Variants in SLC7A6 observed in about 807,000 individuals in gnomAD.
SLC7A6 encodes the protein Y+L amino acid transporter 2.
SLC7A6 carries 29 observed loss-of-function variants against 46.6 expected under a neutral mutation model. That is an observed-to-expected ratio of 0.62 (90% CI 0.46 to 0.85). The LOEUF (loss-of-function observed/expected upper bound fraction) is 0.85. Ranked by LOEUF, SLC7A6 falls within the 40% of genes least tolerant of loss-of-function variation. The pLI, the probability that SLC7A6 is intolerant of heterozygous loss-of-function variation, is 0.00. For missense variants in SLC7A6, 527 were observed against 647.6 expected (o/e 0.81, Z 2.02); for synonymous variants, 276 against 257.3 (o/e 1.07, Z -0.70).
rs777512092 is a variant in SLC7A6, at chr16:68,290,551, G to A, written c.794+11G>A. 17 of 1,613,984 alleles carry A rather than the reference G, an allele frequency of 1.1e-5. No homozygotes were observed. The highest frequency in any genetic ancestry group is 1.6e-4 in the Middle Eastern group (1 of 6,062). ...CAAAAACCCAGAAAGGTAAAGATGG[G>A]ATCACACTCTCACTCCCCAGCTTGG... On this transcript the variant is annotated intron_variant, in intron 5 of 10. Coordinates refer to ENST00000219343, the MANE Select transcript of SLC7A6 (RefSeq NM_003983.6).
At chr16:68,291,696 A>G in intron 7 of SLC7A6, 35 bp downstream of exon 7, 1 of 1,569,998 alleles carries the variant, frequency 6.4e-7, no homozygotes. Flanking sequence ...AATAGACCAC[A>G]ATATTTCATT....
intron 4 of SLC7A6, among the ~76,000 whole-genome samples, chr16:68,289,874 G>T (rs1466813563): frequency 6.6e-6 from 1 of 152,202 alleles, no homozygotes; most frequent in South Asian, 2.1e-4. Context: ...CCATGAGGCT[G>T]ATAAACCCAT....
At chr16:68,283,384 C>A (rs1297845764) in intron 3 of SLC7A6, among the ~76,000 whole-genome samples, 1 of 152,166 alleles carries the variant, frequency 6.6e-6, no homozygotes, top group Admixed American at 6.5e-5. Context: ...GCTGTCATGT[C>A]TGCACTGTAA....
intron 1 of SLC7A6, chr16:68,265,823 C>T (rs974965350): frequency 3.3e-5 from 5 of 152,178 alleles, no homozygotes; most frequent in African/African-American, 1.2e-4. Flanking sequence ...CTCTCCTTGT[C>T]CTCCTTCCCT....
chr16:68,301,467 C>T lies in SLC7A6; in HGVS notation c.*4139C>T. 1 of 1,478,492 alleles carries T rather than the reference C, an allele frequency of 6.8e-7. No individual in the cohort carries two copies. The highest frequency in any genetic ancestry group is 1.2e-5 in the South Asian group (1 of 81,960). The allele number at this position is 1,478,492 out of a possible 1,614,324, so 91.6% of individuals were successfully genotyped here. On this transcript the variant is annotated 3_prime_UTR_variant, in exon 11 of 11. Transcript: ENST00000219343. ...TTTTCCTAGGCTACTGCAGGAGCCC[C>T]TTCTCTTCTCAGAAAGGTCTGTTTT... is the stretch of plus-strand genomic sequence containing the variant.
At chr16:68,271,024 AT>A (rs777402841) in intron 2 of SLC7A6, among the ~76,000 whole-genome samples, 1 of 151,690 alleles carries the variant, frequency 6.6e-6, no homozygotes, top group East Asian at 1.9e-4. Flanking sequence ...TAATTTTTGT[AT>A]TTTTTGTAGA....
At chr16:68,295,884 T>TA (rs1372546677) in intron 8 of SLC7A6, among the ~76,000 whole-genome samples, 2 of 152,172 alleles carry the variant, frequency 1.3e-5, no homozygotes, top group African/African-American at 4.8e-5. Flanking sequence ...GGGAGAGAGT[T>TA]AGATTCCATT....
At chr16:68,287,945 C>T (rs1237221606) in intron 4 of SLC7A6, 74 bp downstream of exon 4, 1 of 1,567,368 alleles carries the variant, frequency 6.4e-7, no homozygotes, top group Non-Finnish European at 8.7e-7. Flanking sequence ...ACTCTGTTAG[C>T]TTCACTGCTC....
intron 5 of SLC7A6, 31 bp downstream of exon 5, chr16:68,290,571 G>C: frequency 1.2e-6 from 2 of 1,613,330 alleles, no homozygotes; most frequent in Non-Finnish European, 1.7e-6. Context: ...TCACTCCCCA[G>C]CTTGGCTGGA....
chr16:68,279,191 A>C (rs1450979202), intron 3 of SLC7A6, among the ~76,000 whole-genome samples: 1 of 148,880 alleles, frequency 6.7e-6, no homozygotes, highest in African/African-American at 2.5e-5. Flanking sequence ...AAAATTAGGC[A>C]TGGTGGCAGT....
intron 4 of SLC7A6, among the ~76,000 whole-genome samples, chr16:68,289,460 A>G (rs1357793646): frequency 6.6e-6 from 1 of 152,134 alleles, no homozygotes; most frequent in African/African-American, 2.4e-5. Context: ...CCTCCCCTGA[A>G]GATCTGTTCC....
rs888838872 is a variant in SLC7A6 at position 68,298,130 on chromosome 16, G to A, written c.*802G>A. ...CAAGCACTTGGCTCAGGTCCAGCAA[G>A]GACAGATGAACAAATTCCTGAGTCA... On this transcript the variant is annotated 3_prime_UTR_variant, in exon 11 of 11. Transcript: ENST00000219343. 6.6e-6 allele frequency: 1 copy of A among 152,668 alleles called. No individual in the cohort carries two copies. The highest frequency in any genetic ancestry group is 2.4e-5 in the African/African-American group (1 of 41,458). 9.5% of individuals were successfully genotyped at this position (152,668 alleles called of 1,614,324 possible).
chr16:68,275,156 GC>G lies in SLC7A6; in HGVS notation c.432del (p.Ile145SerfsTer33), dbSNP rs2042686849. 4 of 1,613,892 alleles carry G rather than the reference GC, an allele frequency of 2.5e-6. No individual in the cohort carries two copies. Among genetic ancestry groups the G allele is most frequent in the Non-Finnish European group, 3.4e-6 (4 of 1,180,022 alleles). On this transcript the variant is annotated frameshift_variant, in exon 3 of 11. Transcript: ENST00000219343. LOFTEE classifies it high-confidence loss of function. ...TGAGCCCACCGGTCAGGCCATCATC[GC>G]CATCACCTTTGCCAACTACATCATC... The part of the protein sequence containing the change: ...VVEPTGQAII[A>X]ITFANYIIQP...
At chr16:68,288,639 G>C (rs1462756291) in intron 4 of SLC7A6, among the ~76,000 whole-genome samples, 1 of 152,122 alleles carries the variant, frequency 6.6e-6, no homozygotes, top group Non-Finnish European at 1.5e-5. Context: ...ATCACATTCT[G>C]GTTGGTGTGG....
intron 2 of SLC7A6, among the ~76,000 whole-genome samples, chr16:68,268,939 G>A (rs577386074): frequency 3.3e-5 from 5 of 152,180 alleles, no homozygotes; most frequent in East Asian, 1.9e-4. Context: ...CCCAGGAGGC[G>A]GAGGTTGCAG....
At position 68,275,127 on chromosome 16, in the gene SLC7A6, T is replaced by C. The variant is rs867225076; in HGVS notation, c.401T>C (p.Val134Ala). 6.2e-7 allele frequency: 1 copy of C among 1,614,134 alleles called. No homozygotes were observed. Among genetic ancestry groups the C allele is most frequent in the Non-Finnish European group, 8.5e-7 (1 of 1,180,032 alleles). ...ATCCGCCTGTGGGTCTCACTGCTAG[T>C]TGTTGAGCCCACCGGTCAGGCCATC... is the stretch of plus-strand genomic sequence containing the variant. ...AFIRLWVSLLVVEPTGQAIIA... is the reference protein window; with the variant it reads ...AFIRLWVSLLAVEPTGQAIIA... The change falls in exon 3 of 11, where the codon GTT (valine) becomes GCT (alanine). Residue 134 changes from valine to alanine, a missense_variant. Coordinates refer to ENST00000219343, the MANE Select transcript of SLC7A6 (RefSeq NM_003983.6).
intron 2 of SLC7A6, among the ~76,000 whole-genome samples, chr16:68,271,219 C>G (rs2042618406): frequency 6.6e-6 from 1 of 152,112 alleles, no homozygotes; most frequent in Non-Finnish European, 1.5e-5. Context: ...TCCTGAACTC[C>G]TGGCTTCAGG....
At chr16:68,287,131 C>T (rs2042952108) in intron 3 of SLC7A6, among the ~76,000 whole-genome samples, 1 of 151,964 alleles carries the variant, frequency 6.6e-6, no homozygotes, top group Non-Finnish European at 1.5e-5. Flanking sequence ...GTGTGCACCA[C>T]CACGCCCAGC....
chr16:68,281,032 C>T (rs983127584), intron 3 of SLC7A6, among the ~76,000 whole-genome samples: 2 of 152,334 alleles, frequency 1.3e-5, no homozygotes, highest in African/African-American at 2.4e-5. Flanking sequence ...GGCGCCCAGC[C>T]GGCTGTGGCT....
Sources: gnomAD v4.1 joint callset for allele counts (sites outside exome capture counted in the v4.1 genomes callset) on GRCh38, gnomAD v4.1.1 for gene constraint, MANE v1.5 for transcripts, NCBI Gene and HGNC (gene_info 2026-07-23, HGNC 2026-07-21) for gene names.